Variants in DAB1 observed in about 807,000 individuals in gnomAD.
DAB1 encodes the protein DAB adaptor protein 1.
In DAB1, 15 loss-of-function variants were observed where a neutral mutation model predicts 64.6. That is an observed-to-expected ratio of 0.23 (90% CI 0.16 to 0.36). The LOEUF (loss-of-function observed/expected upper bound fraction) is 0.36, where lower values mean the gene tolerates loss of function less well. Among genes scored for constraint, DAB1 ranks in the 10% least tolerant of loss-of-function variants. The pLI is 1.00. For synonymous variants in DAB1, 235 were observed against 251.9 expected (o/e 0.93, Z 0.64); for missense variants, 596 against 706.7 (o/e 0.84, Z 1.78).
At chr1:57,301,099 A>C (rs1673611306) in intron 1 of DAB1, among the ~76,000 whole-genome samples, 2 of 152,148 alleles carry the variant, frequency 1.3e-5, no homozygotes, top group Admixed American at 6.5e-5. Flanking sequence ...ATCTTCAAAA[A>C]AAAAAAGGTA....
At chr1:57,002,503 T>C (rs1417601032) in intron 14 of DAB1, among the ~76,000 whole-genome samples, 2 of 152,162 alleles carry the variant, frequency 1.3e-5, no homozygotes, top group Admixed American at 1.3e-4. Context: ...GGTAATTCTG[T>C]GATTATCCCA....
At chr1:57,675,802 A>G (rs765299297) in intron 6 of DAB1, among the ~76,000 whole-genome samples, 2 of 152,210 alleles carry the variant, frequency 1.3e-5, no homozygotes, top group African/African-American at 2.4e-5. Flanking sequence ...TCAGTGGTCA[A>G]GCCCATCAGC....
chr1:57,113,621 C>A (rs1307870790), intron 4 of DAB1, among the ~76,000 whole-genome samples: 1 of 152,118 alleles, frequency 6.6e-6, no homozygotes, highest in Non-Finnish European at 1.5e-5. Context: ...ATTTGAACTT[C>A]ATATAATTTT....
intron 4 of DAB1, among the ~76,000 whole-genome samples, chr1:58,266,038 C>CCCACCACCA (rs6143228): frequency 0.79 from 118,308 of 150,094 alleles, 46,711 homozygotes; most frequent in East Asian, 0.86. Context: ...ACACATACAC[C>CCCACCACCA]CCACCACCAC....
chr1:57,084,873 G>A (rs1460987095), intron 4 of DAB1, among the ~76,000 whole-genome samples: 1 of 152,124 alleles, frequency 6.6e-6, no homozygotes, highest in Non-Finnish European at 1.5e-5. Context: ...CCAAACCACT[G>A]AGGTGGTGGG....
At chr1:58,219,025 C>CTGTGTGTGTGTG (rs56151181) in intron 4 of DAB1, among the ~76,000 whole-genome samples, 2 of 129,474 alleles carry the variant, frequency 1.5e-5, no homozygotes, top group African/African-American at 6.3e-5. Flanking sequence ...CTCTCTCTCT[C>CTGTGTGTGTGTG]TGTGTGTGTG....
intron 1 of DAB1, among the ~76,000 whole-genome samples, chr1:57,870,285 T>C (rs1643918308): frequency 6.6e-6 from 1 of 152,252 alleles, no homozygotes; most frequent in South Asian, 2.1e-4. Flanking sequence ...TGTCCGTGAG[T>C]GCCAACACAT....
At chr1:58,334,808 T>C (rs1663071069) in intron 4 of DAB1, among the ~76,000 whole-genome samples, 1 of 151,962 alleles carries the variant, frequency 6.6e-6, no homozygotes, top group Non-Finnish European at 1.5e-5. Flanking sequence ...CAGAGTAGTG[T>C]ATTAGTAAAT....
intron 4 of DAB1, among the ~76,000 whole-genome samples, chr1:58,251,931 C>T (rs1557715376): frequency 6.6e-6 from 1 of 152,122 alleles, no homozygotes; most frequent in Non-Finnish European, 1.5e-5. Context: ...CCTCCACAAC[C>T]ACAGCAACTT....
At position 57,139,829 on chromosome 1, in the gene DAB1, T is replaced by C. The variant is rs375662702; in HGVS notation, c.208-3188A>G. On this transcript the variant is annotated intron_variant, in intron 3 of 14. Coordinates refer to ENST00000371236, the MANE Select transcript of DAB1 (RefSeq NM_001365792.1). ...GAATATGGCTGTAGGTAAAGAAGGA[T>C]GGAAAAAGCCAACATACATGTTCCA... 5.1e-4 allele frequency among the ~76,000 whole-genome samples: 78 copies of C among 152,208 alleles called. 1 individual carries two copies. In the South Asian group the frequency reaches 0.013, roughly 26 times the overall value.
chr1:57,026,447 A>T (rs566636778), intron 9 of DAB1, among the ~76,000 whole-genome samples: 1 of 152,294 alleles, frequency 6.6e-6, no homozygotes, highest in South Asian at 2.1e-4. Flanking sequence ...TCCATGTGCA[A>T]GTATGGACAT....
chr1:57,690,972 C>T (rs35945271), intron 6 of DAB1, among the ~76,000 whole-genome samples: 4,326 of 152,184 alleles, frequency 0.028, 92 homozygotes, highest in Middle Eastern at 0.082. Context: ...AAGTCTTTTG[C>T]CCATTTTAAA....
intron 4 of DAB1, among the ~76,000 whole-genome samples, chr1:57,105,313 G>T (rs1655041607): frequency 6.6e-6 from 1 of 151,956 alleles, no homozygotes; most frequent in African/African-American, 2.4e-5. Flanking sequence ...AAAAAAAAAT[G>T]CATTTTTCAA....
chr1:57,279,610 T>C (rs1431332971), intron 2 of DAB1, among the ~76,000 whole-genome samples: 1 of 152,236 alleles, frequency 6.6e-6, no homozygotes, highest in African/African-American at 2.4e-5. Flanking sequence ...CAACCTCAGA[T>C]GGAAAACACA....
At chr1:57,961,616 T>G (rs562864477) in intron 5 of DAB1, among the ~76,000 whole-genome samples, 1 of 152,318 alleles carries the variant, frequency 6.6e-6, no homozygotes, top group Non-Finnish European at 1.5e-5. Flanking sequence ...AGAATTGTAC[T>G]GGGACCCAAA....
intron 1 of DAB1, among the ~76,000 whole-genome samples, chr1:57,368,464 G>T (rs1680241791): frequency 6.6e-6 from 1 of 152,150 alleles, no homozygotes; most frequent in African/African-American, 2.4e-5. Context: ...TCTCTCTGAG[G>T]CCCATAAAAG....
At chr1:57,417,843 C>T (rs371726891) in intron 1 of DAB1, among the ~76,000 whole-genome samples, 50 of 152,204 alleles carry the variant, frequency 3.3e-4, no homozygotes, top group African/African-American at 9.9e-4. Flanking sequence ...AGTCAATAAC[C>T]ATCCTTCATG....
chr1:57,091,580 A>T (rs923388373), intron 4 of DAB1, among the ~76,000 whole-genome samples: 1 of 152,216 alleles, frequency 6.6e-6, no homozygotes, highest in Admixed American at 6.5e-5. Context: ...TCAGAAGTTC[A>T]TGCTTTTTCT....
chr1:58,166,799 C>A (rs1399854189), intron 4 of DAB1, among the ~76,000 whole-genome samples: 1 of 149,478 alleles, frequency 6.7e-6, no homozygotes. Context: ...GTCACCCAGG[C>A]TGGAGTGTAG....
Sources: gnomAD v4.1 joint callset for allele counts (sites outside exome capture counted in the v4.1 genomes callset) on GRCh38, gnomAD v4.1.1 for gene constraint, MANE v1.5 for transcripts, NCBI Gene and HGNC (gene_info 2026-07-23, HGNC 2026-07-21) for gene names.